KIF1C: variants seen among roughly 807,000 people sequenced by gnomAD.
KIF1C encodes the protein kinesin family member 1C, also known as kinesin-like protein KIF1C.
KIF1C carries 61 observed loss-of-function variants against 126.5 expected under a neutral mutation model. The ratio of observed to expected loss-of-function variants is 0.48; its 90% CI spans 0.39 to 0.60. KIF1C has a LOEUF of 0.60. Among genes scored for constraint, KIF1C ranks in the 20% least tolerant of loss-of-function variants. The probability of loss-of-function intolerance (pLI) is 0.00; values close to 1 mark genes in which losing one functional copy is unlikely to be tolerated. For missense variants in KIF1C, 1,315 were observed against 1,489.2 expected, an observed-to-expected ratio of 0.88 and a Z score of 1.93; for synonymous variants, 640 against 580.6, an observed-to-expected ratio of 1.10 and a Z score of -1.47.
In KIF1C at chr17:5,022,401, C is replaced by T. The variant is rs780757171; in HGVS notation, c.2320C>T (p.Leu774=). 3.8e-6 allele frequency: 6 copies of T among 1,578,968 alleles called. No homozygotes were observed. In the Admixed American group the frequency reaches 9.2e-5, roughly 24 times the overall value. ...FRHGRAEIEA[L]AALKMRELCR... is the part of the protein sequence containing the mutation. ...CCACGGGCGGGCTGAGATTGAGGCC[C>T]TGGCCGCCCTCAAGATGCGGGAGCT... Residue 774 remains leucine (L), a synonymous_variant, in exon 22 of 23, where the codon CTG becomes TTG. Transcript: ENST00000320785. The surrounding 1 kb of genome is among the most constrained non-coding windows in gnomAD (Gnocchi z 4.9).
Position 5,023,629 on chromosome 17 carries a change from G to C in KIF1C, c.2790G>C (p.Glu930Asp). The C allele has an allele frequency of 6.2e-7, 1 of 1,613,418 alleles. No individual in the cohort carries two copies. Among genetic ancestry groups the C allele is most frequent in the East Asian group, 2.2e-5 (1 of 44,842 alleles). ...AGCGGGTGTCACGGCTCATGGAGGA[G>C]GACCCTGCCTTCCGTCGTGGTCGTC... ...SWERVSRLMEEDPAFRRGRLR... is the reference protein window; with the variant it reads ...SWERVSRLMEDDPAFRRGRLR... Residue 930 changes from glutamate to aspartate, a missense_variant, in exon 23 of 23, where the codon GAG becomes GAC. Transcript: ENST00000320785. The surrounding 1 kb of genome is among the most constrained non-coding windows in gnomAD (Gnocchi z 4.2).
intron 18 of KIF1C, among the ~76,000 whole-genome samples, chr17:5,018,280 C>T (rs1452431624): frequency 6.6e-6 from 1 of 152,064 alleles, no homozygotes; most frequent in East Asian, 1.9e-4. Flanking sequence ...TGTGCCCAAC[C>T]CTATTCCCTT....
Position 5,028,322 on chromosome 17 carries a change from G to A in KIF1C, c.*4171G>A, listed in dbSNP as rs568385094. 1 of 152,136 alleles carries A rather than the reference G, an allele frequency of 6.6e-6. No homozygotes were observed. Among genetic ancestry groups the A allele is most frequent in the African/African-American group, 2.4e-5 (1 of 41,496 alleles). 9.4% of individuals were successfully genotyped at this position (152,136 alleles called of 1,614,324 possible). ...TCTCACACCATACCGACATATGTTG[G>A]TTATTCTTTTAGACATGTTTTTTGT... On this transcript the variant is annotated 3_prime_UTR_variant, in exon 23 of 23. Transcript: ENST00000320785.
rs770596601 is a variant in KIF1C, at chr17:5,006,959, G to A, written c.1210G>A (p.Val404Met). ...GAGTGTCAGAGGCGCCCTGCCAGCT[G>A]TGTCATCTCCCCCAGCTCCAGTTTC... ...EGSVRGALPA[V>M]SSPPAPVSPS... The change falls in exon 14 of 23, where the codon GTG becomes ATG. Residue 404 changes from valine to methionine, a missense_variant. Around this residue, in one of 2 missense-constraint regions of KIF1C, gnomAD observed 874 missense variants for 1,053.2 expected, o/e 0.83. Coordinates refer to ENST00000320785, the MANE Select transcript of KIF1C (RefSeq NM_006612.6). 1.9e-6 allele frequency: 3 copies of A among 1,609,028 alleles called. No homozygotes were observed. Among genetic ancestry groups the A allele is most frequent in the Non-Finnish European group, 2.5e-6 (3 of 1,178,704 alleles).
intron 13 of KIF1C, among the ~76,000 whole-genome samples, chr17:5,006,327 G>A (rs1341845639): frequency 2.0e-5 from 3 of 147,456 alleles, no homozygotes; most frequent in Non-Finnish European, 4.5e-5. Flanking sequence ...GAGCCACTGT[G>A]TCCGGCCCAG....
In KIF1C at chr17:5,004,565, A is replaced by G. The variant is rs746442952; in HGVS notation, c.941-2A>G. On this transcript the variant is annotated splice_acceptor_variant, in intron 11 of 22. Transcript: ENST00000320785. LOFTEE classifies it high-confidence loss of function. ...AAGCTTTTCCATGCACTCCATTCAC[A>G]GGGGGGAACTCACGCACAGCCATGA... is the stretch of plus-strand genomic sequence containing the variant. The G allele has an allele frequency of 4.3e-6, 7 of 1,613,920 alleles. No homozygotes were observed. The highest frequency in any genetic ancestry group is 5.1e-6 in the Non-Finnish European group (6 of 1,179,896).
At position 5,025,527 on chromosome 17, in the gene KIF1C, CTGTT is replaced by C. The variant is rs934770534; in HGVS notation, c.*1381_*1384del. 4.6e-5 allele frequency: 7 copies of C among 151,964 alleles called. No homozygotes were observed. The highest frequency in any genetic ancestry group is 2.1e-4 in the South Asian group (1 of 4,786). The allele number at this position is 151,964 out of a possible 1,614,324, so 9.4% of individuals were successfully genotyped here. A position where few individuals can be genotyped will look rare whatever the true frequency, so the allele number is the denominator to read the frequency against. On this transcript the variant is annotated 3_prime_UTR_variant, in exon 23 of 23. Transcript: ENST00000320785. The stretch of plus-strand genomic sequence containing the variant: ...AGTCGTTATTTTATTTGTGTTAAGA[CTGTT>C]TGTTGGCCAGGCGCAGTGGTTCACG...
chr17:5,012,043 G>A (rs974715819), intron 16 of KIF1C: 2 of 152,116 alleles, frequency 1.3e-5, no homozygotes, highest in Admixed American at 6.5e-5. Context: ...ATGAATAAAC[G>A]AACTTAAACA....
In KIF1C at chr17:5,000,815, C is replaced by T. The variant is rs1246527142; in HGVS notation, c.150C>T (p.Phe50=). 6.2e-7 allele frequency: 1 copy of T among 1,613,974 alleles called. No homozygotes were observed. The highest frequency in any genetic ancestry group is 8.5e-7 in the Non-Finnish European group (1 of 1,180,010). The change falls in exon 4 of 23, where the codon TTC becomes TTT. Residue 50 remains phenylalanine, a synonymous_variant. Coordinates refer to ENST00000320785, the MANE Select transcript of KIF1C (RefSeq NM_006612.6). ...AGAGCAAGGATGCCCCCAAAAGCTT[C>T]ACCTTTGACTACTCCTACTGGTCAC... is the stretch of plus-strand genomic sequence containing the variant. The part of the protein sequence containing the change: ...PKQSKDAPKS[F]TFDYSYWSHT...
intron 16 of KIF1C, chr17:5,011,564 G>A (rs546127981): frequency 6.6e-6 from 1 of 152,396 alleles, no homozygotes; most frequent in Non-Finnish European, 1.5e-5. Flanking sequence ...TCTCCCCAGG[G>A]ATAGATTGCT....
At position 4,999,983 on chromosome 17, in the gene KIF1C, G is replaced by T; in HGVS notation, c.-28+13G>T. The T allele has an allele frequency of 2.1e-6, 1 of 476,420 alleles. No homozygotes were observed. The highest frequency in any genetic ancestry group is 3.8e-6 in the Non-Finnish European group (1 of 260,920). 29.5% of individuals were successfully genotyped at this position (476,420 alleles called of 1,614,324 possible). ...GCCAGGACGCCAGGTAACTGGGGGA[G>T]ACCGCCCAGGTTCCTGCAAGCTGGA... On this transcript the variant is annotated intron_variant, in intron 2 of 22. Transcript: ENST00000320785.
intron 18 of KIF1C, among the ~76,000 whole-genome samples, chr17:5,017,054 G>A (rs1282027099): frequency 6.6e-6 from 1 of 152,170 alleles, no homozygotes; most frequent in Non-Finnish European, 1.5e-5. Flanking sequence ...GTTCAGCCCA[G>A]TGAGTTATTG....
chr17:5,020,761 A>T lies in KIF1C; in HGVS notation c.1938-45A>T. ...TGGGCCCGTGTCCTCCTCTTGTCAGATACTCACCAAGGTTGCTCTTCCTTC... is the reference window on the plus strand; with the variant it reads ...TGGGCCCGTGTCCTCCTCTTGTCAGTTACTCACCAAGGTTGCTCTTCCTTC... On this transcript the variant is annotated intron_variant, in intron 20 of 22. Coordinates refer to ENST00000320785, the MANE Select transcript of KIF1C (RefSeq NM_006612.6). The surrounding 1 kb of genome is among the most constrained non-coding windows in gnomAD (Gnocchi z 5.8). 1 of 1,601,218 alleles carries T rather than the reference A, an allele frequency of 6.2e-7. No individual in the cohort carries two copies.
chr17:5,011,289 AG>A (rs1216300121), intron 16 of KIF1C, among the ~76,000 whole-genome samples: 1 of 152,134 alleles, frequency 6.6e-6, no homozygotes, highest in Non-Finnish European at 1.5e-5. Context: ...TTTGTCTTGG[AG>A]GGAGCCTCCT....
At chr17:5,010,686 G>A (rs1169438870) in intron 16 of KIF1C, among the ~76,000 whole-genome samples, 1 of 151,332 alleles carries the variant, frequency 6.6e-6, no homozygotes, top group Non-Finnish European at 1.5e-5. Context: ...GGCGGAGCTT[G>A]CAGTGAGCCG....
At chr17:5,016,026 A>C (rs538233945) in intron 18 of KIF1C, among the ~76,000 whole-genome samples, 36 of 152,090 alleles carry the variant, frequency 2.4e-4, no homozygotes, top group Non-Finnish European at 4.3e-4. Flanking sequence ...GACGTGGTAC[A>C]CATGTGCTGT....
rs532623033 is a variant in KIF1C at position 5,010,955 on chromosome 17, C to T, written c.1492-2698C>T. 3.5e-4 allele frequency among the ~76,000 whole-genome samples: 53 copies of T among 151,648 alleles called. No homozygotes were observed. In the East Asian group the frequency reaches 4.2e-3, roughly 12 times the overall value. On this transcript the variant is annotated intron_variant, in intron 16 of 22. Transcript: ENST00000320785. ...CCTCCCAAGTAGCTGGGACTACAGG[C>T]GCCCACCACCACTCCTGGCTAATTT...
At chr17:5,004,666 A>C (rs1974684199) in intron 12 of KIF1C, 21 bp downstream of exon 12, 1 of 1,611,866 alleles carries the variant, frequency 6.2e-7, no homozygotes, top group Non-Finnish European at 8.5e-7. Flanking sequence ...TGGCTCTAGC[A>C]GGGATGGGGC....
In KIF1C at chr17:5,026,001, C is replaced by T. The variant is rs1975202698; in HGVS notation, c.*1850C>T. 6.6e-6 allele frequency: 1 copy of T among 152,190 alleles called. No homozygotes were observed. Among genetic ancestry groups the T allele is most frequent in the Non-Finnish European group, 1.5e-5 (1 of 68,040 alleles). The allele number at this position is 152,190 out of a possible 1,614,324, so 9.4% of individuals were successfully genotyped here. Reference sequence around the variant, plus strand: ...TCCTGTTCTCAGGAAAACACTTTGACCCACTTGAAGCTCTGAGCTACTGCT... The same window carrying T: ...TCCTGTTCTCAGGAAAACACTTTGATCCACTTGAAGCTCTGAGCTACTGCT... On this transcript the variant is annotated 3_prime_UTR_variant, in exon 23 of 23. Transcript: ENST00000320785.
Sources: allele counts gnomAD v4.1 joint callset (sites outside exome capture counted in the v4.1 genomes callset), GRCh38; gene constraint gnomAD v4.1.1; regional missense constraint gnomAD v4.1.1; non-coding constraint Gnocchi (gnomAD v3.1); transcripts MANE v1.5; gene names NCBI Gene and HGNC (gene_info 2026-07-23, HGNC 2026-07-21).